ADAM7: variants seen among roughly 807,000 people sequenced by gnomAD.
ADAM7 encodes ADAM metallopeptidase domain 7, also known as disintegrin and metalloproteinase domain-containing protein 7.
In ADAM7, 97 loss-of-function variants were observed where a neutral mutation model predicts 102.9. That is an observed-to-expected ratio of 0.94 (90% CI 0.80 to 1.12). The LOEUF (loss-of-function observed/expected upper bound fraction) is 1.12, where lower values mean the gene tolerates loss of function less well. Ranked by LOEUF, ADAM7 falls within the 50% of genes most tolerant of loss-of-function variation. ADAM7 has a pLI of 0.00. For synonymous variants in ADAM7, 334 were observed against 304.4 expected (o/e 1.10, Z -1.01); for missense variants, 991 against 908.7 (o/e 1.09, Z -1.16).
At chr8:24,441,574 C>A (rs1020311886) in intron 1 of ADAM7, among the ~76,000 whole-genome samples, 5 of 152,166 alleles carry the variant, frequency 3.3e-5, no homozygotes, top group Non-Finnish European at 7.4e-5. Flanking sequence ...CAAATCAGAG[C>A]ATATTCCAGA....
intron 12 of ADAM7, 117 bp downstream of exon 12, chr8:24,489,450 T>G: frequency 1.0e-6 from 1 of 999,640 alleles, no homozygotes; most frequent in Non-Finnish European, 1.4e-6. Flanking sequence ...TTTTAAAAAT[T>G]TTGCTTTCCA....
chr8:24,459,954 C>T (rs554588785), intron 3 of ADAM7, among the ~76,000 whole-genome samples: 2 of 152,122 alleles, frequency 1.3e-5, no homozygotes, highest in South Asian at 2.1e-4. Flanking sequence ...CATTTAGATA[C>T]ATCTCAAAAG....
intron 11 of ADAM7, 38 bp from the exon 12 acceptor site, chr8:24,489,121 T>C (rs747912944): frequency 1.3e-6 from 2 of 1,562,876 alleles, no homozygotes; most frequent in Admixed American, 1.8e-5. Context: ...TATGCATTGA[T>C]ATGATTAATC....
intron 12 of ADAM7, 177 bp from the exon 13 acceptor site, chr8:24,490,622 A>G (rs917592808): frequency 8.4e-6 from 5 of 593,362 alleles, no homozygotes; most frequent in East Asian, 2.9e-5. Context: ...AGAAGGAGAA[A>G]TAGTTAAAGT....
chr8:24,498,796 T>C (rs1820646103), intron 16 of ADAM7, among the ~76,000 whole-genome samples: 1 of 151,810 alleles, frequency 6.6e-6, no homozygotes, highest in Non-Finnish European at 1.5e-5. Flanking sequence ...GCAAAAATAT[T>C]AAACACAAAT....
At position 24,441,841 on chromosome 8, in the gene ADAM7, CA is replaced by C. The variant is rs376146971; in HGVS notation, c.53-631del. Among the ~76,000 whole-genome samples, 371 of 152,280 alleles carry C rather than the reference CA, an allele frequency of 2.4e-3. 2 individuals are homozygous for C. The highest frequency in any genetic ancestry group is 0.02 in the South Asian group (95 of 4,824). On this transcript the variant is annotated intron_variant, in intron 1 of 21. Transcript: ENST00000175238. ...AACAGGACAACAGTGCAGGCTTTGA[CA>C]GGAGACAAAATCCAGAGGTTGGCAT...
At chr8:24,472,793 C>A (rs1819649320) in intron 7 of ADAM7, among the ~76,000 whole-genome samples, 2 of 151,726 alleles carry the variant, frequency 1.3e-5, no homozygotes, top group South Asian at 2.1e-4. Context: ...CAAAAAATAC[C>A]ACAATGGAGT....
At chr8:24,465,410 A>G (rs571533366) in intron 4 of ADAM7, among the ~76,000 whole-genome samples, 96 of 152,312 alleles carry the variant, frequency 6.3e-4, no homozygotes, top group African/African-American at 2.0e-3. Flanking sequence ...TTCTAAGGAA[A>G]AGGTCACAAT....
At chr8:24,457,719 G>C (rs1819088515) in intron 3 of ADAM7, among the ~76,000 whole-genome samples, 1 of 151,878 alleles carries the variant, frequency 6.6e-6, no homozygotes, top group South Asian at 2.1e-4. Flanking sequence ...CTTTCTTTAT[G>C]GTCATCATTT....
chr8:24,508,988 C>T lies in ADAM7; in HGVS notation c.*442C>T. On this transcript the variant is annotated 3_prime_UTR_variant, in exon 22 of 22. Transcript: ENST00000175238. ...GAACATGACATCATTAGCACTAATT[C>T]TGGTTTAAATGAAAGTCCTGCAGAA... 1 of 996,024 alleles carries T rather than the reference C, an allele frequency of 1.0e-6. No individual in the cohort carries two copies. Among genetic ancestry groups the T allele is most frequent in the Non-Finnish European group, 1.2e-6 (1 of 837,012 alleles). 61.7% of individuals were successfully genotyped at this position (996,024 alleles called of 1,614,324 possible).
intron 20 of ADAM7, among the ~76,000 whole-genome samples, chr8:24,507,099 G>A (rs1403366863): frequency 6.6e-6 from 1 of 151,992 alleles, no homozygotes; most frequent in Non-Finnish European, 1.5e-5. Context: ...CTTGAACCCG[G>A]GCAGTCCATG....
chr8:24,447,165 G>T (rs367899328), intron 2 of ADAM7, 21 bp from the exon 3 acceptor site: 1 of 1,459,466 alleles, frequency 6.9e-7, no homozygotes, highest in Non-Finnish European at 9.4e-7. Flanking sequence ...TTGAAGTCAC[G>T]TGATGCCTCT....
intron 12 of ADAM7, 89 bp downstream of exon 12, chr8:24,489,422 T>TG: frequency 8.0e-7 from 1 of 1,252,394 alleles, no homozygotes; most frequent in East Asian, 2.6e-5. Flanking sequence ...AAACCAACCG[T>TG]GGTGTTCCTT....
At chr8:24,488,030 T>C (rs1053951573) in intron 11 of ADAM7, among the ~76,000 whole-genome samples, 1 of 152,200 alleles carries the variant, frequency 6.6e-6, no homozygotes, top group East Asian at 1.9e-4. Flanking sequence ...CTGATCTAGA[T>C]CATACATACA....
At chr8:24,463,497 ATAT>A (rs1426265673) in intron 3 of ADAM7, among the ~76,000 whole-genome samples, 7 of 152,250 alleles carry the variant, frequency 4.6e-5, no homozygotes, top group African/African-American at 1.7e-4. Context: ...AGGTTACTAT[ATAT>A]TAAGACGTAC....
chr8:24,456,784 T>C (rs1225400256), intron 3 of ADAM7, among the ~76,000 whole-genome samples: 5 of 152,122 alleles, frequency 3.3e-5, no homozygotes, highest in Admixed American at 2.6e-4. Flanking sequence ...TTATCAGAGG[T>C]TTGCTTTCTT....
At chr8:24,449,480 G>T (rs193256397) in intron 3 of ADAM7, among the ~76,000 whole-genome samples, 6,716 of 152,232 alleles carry the variant, frequency 0.044, 210 homozygotes, top group African/African-American at 0.06. Context: ...CATGGCCTTA[G>T]CCCACTTTTT....
chr8:24,456,137 A>G (rs1018811150), intron 3 of ADAM7, among the ~76,000 whole-genome samples: 4 of 152,142 alleles, frequency 2.6e-5, no homozygotes, highest in Non-Finnish European at 5.9e-5. Flanking sequence ...TTTTTCCTAC[A>G]GCTCCAGTCA....
At chr8:24,482,393 A>G (rs1819985018) in intron 9 of ADAM7, 82 bp downstream of exon 9, 2 of 1,420,578 alleles carry the variant, frequency 1.4e-6, no homozygotes, top group Non-Finnish European at 9.6e-7. Context: ...GAAAAAAAAC[A>G]TTTTTTAAGC....
Sources: gnomAD v4.1 joint callset for allele counts (sites outside exome capture counted in the v4.1 genomes callset) on GRCh38, gnomAD v4.1.1 for gene constraint, MANE v1.5 for transcripts, NCBI Gene and HGNC (gene_info 2026-07-23, HGNC 2026-07-21) for gene names.